Variants in FUT8 observed in about 807,000 individuals in gnomAD.
FUT8 encodes the protein alpha-(1,6)-fucosyltransferase.
In FUT8, 29 loss-of-function variants were observed where a neutral mutation model predicts 71.3. The ratio of observed to expected loss-of-function variants is 0.41; its 90% confidence interval spans 0.30 to 0.55. The LOEUF (loss-of-function observed/expected upper bound fraction) is 0.55. FUT8 is among the 20% of genes least tolerant of loss of function. The pLI is 0.34. For missense variants in FUT8, 544 were observed against 702.1 expected, an observed-to-expected ratio of 0.77 and a Z score of 2.55; for synonymous variants, 254 against 239.3, an observed-to-expected ratio of 1.06 and a Z score of -0.57.
chr14:65,699,791 C>G (rs900509088), intron 7 of FUT8, among the ~76,000 whole-genome samples: 6 of 152,172 alleles, frequency 3.9e-5, no homozygotes, highest in Non-Finnish European at 8.8e-5. Context: ...CCTTGACTAA[C>G]ACCATTCTCA....
the FUT8 span, among the ~76,000 whole-genome samples, chr14:65,376,129 A>AAAGGTGT: frequency 6.6e-6 from 1 of 151,848 alleles, no homozygotes; most frequent in Admixed American, 6.6e-5. Flanking sequence ...AATAATAAGA[A>AAAGGTGT]AAGGTGTGTA....
At chr14:65,711,321 G>A (rs1024674508) in intron 7 of FUT8, among the ~76,000 whole-genome samples, 2 of 152,184 alleles carry the variant, frequency 1.3e-5, no homozygotes, top group African/African-American at 2.4e-5. Flanking sequence ...TTAATCAGAA[G>A]ATAACACTTT....
rs945219676 is a variant in FUT8 at position 65,433,259 on chromosome 14, A to G, written c.-326+20045A>G. Among the ~76,000 whole-genome samples, 6 of 152,176 alleles carry G rather than the reference A, an allele frequency of 3.9e-5. No homozygotes were observed. The South Asian group carries it at 1.2e-3, about 32-fold the overall frequency. ...GGTTCTCATTACCACTAACATATAA[A>G]TATATAATTATAATTCAGTAATTGC... is the stretch of plus-strand genomic sequence containing the variant. On this transcript the variant is annotated intron_variant, in intron 1 of 10. Transcript: ENST00000673929.
chr14:65,595,087 T>A (rs1412935682), intron 3 of FUT8, among the ~76,000 whole-genome samples: 1 of 152,170 alleles, frequency 6.6e-6, no homozygotes, highest in Non-Finnish European at 1.5e-5. Context: ...CTCTGCCTCC[T>A]CTGCCTCCTG....
chr14:65,741,590 G>C (rs17102901), intron 10 of FUT8, among the ~76,000 whole-genome samples: 3,811 of 151,992 alleles, frequency 0.025, 148 homozygotes, highest in African/African-American at 0.087. Flanking sequence ...AAACAGTTCT[G>C]ACACCAAGTT....
rs541487652 is a variant in FUT8 at position 65,655,244 on chromosome 14, C to T, written c.598-13999C>T. ...ATCCCAGCACTTTGGGAGGCTGAGGCGGGCAGATCATGAAGTCAGGAGATC... is the reference window on the plus strand; with the variant it reads ...ATCCCAGCACTTTGGGAGGCTGAGGTGGGCAGATCATGAAGTCAGGAGATC... On this transcript the variant is annotated intron_variant, in intron 6 of 10. Coordinates refer to ENST00000673929, the MANE Select transcript of FUT8 (RefSeq NM_001371533.1). Among the ~76,000 whole-genome samples, 17 of 151,656 alleles carry T rather than the reference C, an allele frequency of 1.1e-4. No homozygotes were observed. The East Asian group carries it at 1.4e-3, about 12-fold the overall frequency.
chr14:65,582,483 A>G (rs1887145755), intron 3 of FUT8, among the ~76,000 whole-genome samples: 2 of 152,046 alleles, frequency 1.3e-5, no homozygotes, highest in Admixed American at 6.6e-5. Flanking sequence ...ACATTTTACT[A>G]TTTTACTGAT....
intron 1 of FUT8, among the ~76,000 whole-genome samples, chr14:65,445,147 A>G (rs2065719802): frequency 6.6e-6 from 1 of 152,150 alleles, no homozygotes; most frequent in African/African-American, 2.4e-5. Context: ...CAGAGGATGC[A>G]GTGAGCCGAG....
chr14:65,380,302 C>G, the FUT8 span, among the ~76,000 whole-genome samples: 1 of 152,042 alleles, frequency 6.6e-6, no homozygotes, highest in Non-Finnish European at 1.5e-5. Context: ...GAAAGACAAG[C>G]CCCCATGATT....
the FUT8 span, among the ~76,000 whole-genome samples, chr14:65,364,423 G>A: frequency 0.13 from 20,054 of 152,094 alleles, 1,755 homozygotes; most frequent in Middle Eastern, 0.19. Flanking sequence ...GGCTGGTCTC[G>A]AACTCCTGAC....
At chr14:65,732,319 A>C (rs1896018691) in intron 9 of FUT8, among the ~76,000 whole-genome samples, 1 of 152,222 alleles carries the variant, frequency 6.6e-6, no homozygotes, top group South Asian at 2.1e-4. Context: ...AGGCATAGGT[A>C]GCACTGACTT....
chr14:65,536,848 G>A (rs191209141), intron 2 of FUT8, among the ~76,000 whole-genome samples: 2 of 152,090 alleles, frequency 1.3e-5, no homozygotes, highest in African/African-American at 4.8e-5. Flanking sequence ...GTGTTTTCCA[G>A]GTTGCTTCCA....
At chr14:65,392,310 C>A in the FUT8 span, among the ~76,000 whole-genome samples, 1 of 152,216 alleles carries the variant, frequency 6.6e-6, no homozygotes, top group Non-Finnish European at 1.5e-5. Flanking sequence ...ACCTGTGTTC[C>A]TTTGAGTGTC....
At chr14:65,508,609 T>G (rs1882115822) in intron 2 of FUT8, among the ~76,000 whole-genome samples, 1 of 147,806 alleles carries the variant, frequency 6.8e-6, no homozygotes, top group Non-Finnish European at 1.5e-5. Context: ...CAAGCAATTC[T>G]GTTGCCTCAG....
At position 65,715,593 on chromosome 14, in the gene FUT8, C is replaced by G. The variant is rs79617183; in HGVS notation, c.836-6182C>G. Among the ~76,000 whole-genome samples, 1,202 of 152,294 alleles carry G rather than the reference C, an allele frequency of 7.9e-3. 8 individuals carry two copies. Among genetic ancestry groups the G allele is most frequent in the African/African-American group, 0.024 (1,001 of 41,546 alleles). On this transcript the variant is annotated intron_variant, in intron 7 of 10. Coordinates refer to ENST00000673929, the MANE Select transcript of FUT8 (RefSeq NM_001371533.1). ...TCTACTTTTTTGATGTAGACACTTA[C>G]TGCTATAAACTTCTCTGTCAGTACT...
rs1890662518 is a variant in FUT8 at position 65,638,258 on chromosome 14, C to A, written c.597+8652C>A. Reference sequence around the variant, plus strand: ...CTCCTCTCTCACTGTGTTGCCCAGGCTGGTCTCAAACTTCTGAGCTCAAGC... The same window carrying A: ...CTCCTCTCTCACTGTGTTGCCCAGGATGGTCTCAAACTTCTGAGCTCAAGC... On this transcript the variant is annotated intron_variant, in intron 6 of 10. Transcript: ENST00000673929. The surrounding 1 kb of genome is among the most constrained non-coding windows in gnomAD (Gnocchi z 4.5). Among the ~76,000 whole-genome samples the A allele has an allele frequency of 6.6e-6, 1 of 152,142 alleles. No individual in the cohort carries two copies.
rs2066158454 is a variant in FUT8, at chr14:65,472,221, G to T, written c.-228+16503G>T. Among the ~76,000 whole-genome samples, 1 of 152,144 alleles carries T rather than the reference G, an allele frequency of 6.6e-6. No individual in the cohort carries two copies. The highest frequency in any genetic ancestry group is 6.5e-5 in the Admixed American group (1 of 15,270). On this transcript the variant is annotated intron_variant, in intron 2 of 10. Coordinates refer to ENST00000673929, the MANE Select transcript of FUT8 (RefSeq NM_001371533.1). The surrounding 1 kb of genome is among the most constrained non-coding windows in gnomAD (Gnocchi z 4.4). The stretch of plus-strand genomic sequence containing the variant: ...GCAGAAGGCAAAGAGGTGCCAGCTT[G>T]TGCACAAAATGAGAGAGGAGAAAAG...
intron 5 of FUT8, among the ~76,000 whole-genome samples, chr14:65,624,301 T>C (rs1403944784): frequency 7.0e-6 from 1 of 143,694 alleles, no homozygotes; most frequent in Non-Finnish European, 1.5e-5. Flanking sequence ...TTTTTTTTTA[T>C]TTGATGTTTG....
the FUT8 span, among the ~76,000 whole-genome samples, chr14:65,402,865 C>G: frequency 6.6e-6 from 1 of 152,280 alleles, no homozygotes; most frequent in South Asian, 2.1e-4. Context: ...TGACCTCTAT[C>G]TATGTAGGTT....
Sources: allele counts gnomAD v4.1 joint callset (sites outside exome capture counted in the v4.1 genomes callset), GRCh38; gene constraint gnomAD v4.1.1; non-coding constraint Gnocchi (gnomAD v3.1); transcripts MANE v1.5; gene names NCBI Gene and HGNC (gene_info 2026-07-23, HGNC 2026-07-21).